Variants in KIF13A observed in about 807,000 individuals in gnomAD.
The protein encoded by KIF13A is kinesin-like protein KIF13A.
KIF13A carries 79 observed loss-of-function variants against 212.2 expected under a neutral mutation model. The observed-to-expected ratio is 0.37, with a 90% CI of 0.31 to 0.45. The LOEUF (loss-of-function observed/expected upper bound fraction) is 0.45. Among genes scored for constraint, KIF13A ranks in the 20% least tolerant of loss-of-function variants. The pLI, the probability that KIF13A is intolerant of heterozygous loss-of-function variation, is 1.00. For synonymous variants in KIF13A, 789 were observed against 808.6 expected, an observed-to-expected ratio of 0.98 and a Z score of 0.41; for missense variants, 1,901 against 2,209.0, an observed-to-expected ratio of 0.86 and a Z score of 2.79.
chr6:17,909,534 CAGAAAAAAAAAAA>C (rs1773838934), intron 2 of KIF13A, among the ~76,000 whole-genome samples: 1 of 116,804 alleles, frequency 8.6e-6, no homozygotes, highest in South Asian at 2.7e-4. Context: ...GACTCTGTCT[CAGAAAAAAAAAAA>C]AGGAAAAAAA....
rs952619732 is a variant in KIF13A at position 17,768,590 on chromosome 6, T to G, written c.4581+2524A>C. Among the ~76,000 whole-genome samples, 5 of 152,206 alleles carry G rather than the reference T, an allele frequency of 3.3e-5. No homozygotes were observed. The highest frequency in any genetic ancestry group is 7.3e-5 in the Non-Finnish European group (5 of 68,042). The stretch of plus-strand genomic sequence containing the variant: ...AGAGCAGCTGCAGGGCATACTGGAA[T>G]TGCACTATATTTGAAAGCACCTGGA... On this transcript the variant is annotated intron_variant, in intron 38 of 38. Transcript: ENST00000259711. The surrounding 1 kb of genome is among the most constrained non-coding windows in gnomAD (Gnocchi z 5.4).
rs1278946201 is a variant in KIF13A, at chr6:17,912,401, T to C, written c.147-14221A>G. 6.6e-6 allele frequency among the ~76,000 whole-genome samples: 1 copy of C among 152,212 alleles called. No individual in the cohort carries two copies. Among genetic ancestry groups the C allele is most frequent in the Non-Finnish European group, 1.5e-5 (1 of 68,042 alleles). On this transcript the variant is annotated intron_variant, in intron 2 of 38. Transcript: ENST00000259711. This position sits in a 1 kb window ranked among gnomAD's most constrained non-coding sequence, Gnocchi z 4.2. Reference sequence around the variant, plus strand: ...TCACCCAAACTGGGAGTGATCTTGATAACAGCATCAGCCTGCCTGACCTTC... The same window carrying C: ...TCACCCAAACTGGGAGTGATCTTGACAACAGCATCAGCCTGCCTGACCTTC...
chr6:17,919,009 C>T lies in KIF13A; in HGVS notation c.147-20829G>A, dbSNP rs1463523261. Among the ~76,000 whole-genome samples the T allele has an allele frequency of 2.6e-5, 4 of 152,150 alleles. No homozygotes were observed. The highest frequency in any genetic ancestry group is 4.4e-5 in the Non-Finnish European group (3 of 68,030). On this transcript the variant is annotated intron_variant, in intron 2 of 38. Transcript: ENST00000259711. The surrounding 1 kb of genome is among the most constrained non-coding windows in gnomAD (Gnocchi z 4.1). Reference sequence around the variant, plus strand: ...CCAGTGCCTACAGGGTTGTCAGGCACGAAATAGTCACTCAGTAAGTATCTC... The same window carrying T: ...CCAGTGCCTACAGGGTTGTCAGGCATGAAATAGTCACTCAGTAAGTATCTC...
At chr6:17,796,350 A>C (rs759245492) in intron 23 of KIF13A, among the ~76,000 whole-genome samples, 18 of 150,110 alleles carry the variant, frequency 1.2e-4, no homozygotes, top group African/African-American at 4.4e-4. Flanking sequence ...AAAAATAAAT[A>C]AATCCTGCCT....
chr6:17,949,120 G>A (rs914771594), intron 2 of KIF13A, among the ~76,000 whole-genome samples: 1 of 152,116 alleles, frequency 6.6e-6, no homozygotes, highest in Non-Finnish European at 1.5e-5. Flanking sequence ...GCTAAAACTC[G>A]CCGACCACTA....
At position 17,816,643 on chromosome 6, in the gene KIF13A, T is replaced by C. The variant is rs528713742; in HGVS notation, c.2000+377A>G. 1.5e-4 allele frequency among the ~76,000 whole-genome samples: 23 copies of C among 152,278 alleles called. No homozygotes were observed. The highest frequency in any genetic ancestry group is 5.1e-4 in the African/African-American group (21 of 41,556). Reference sequence around the variant, plus strand: ...ATAAATCTTAAACTTTCACATTTAGTAGATTAATCAGCACTGAAGTTGTAT... The same window carrying C: ...ATAAATCTTAAACTTTCACATTTAGCAGATTAATCAGCACTGAAGTTGTAT... On this transcript the variant is annotated intron_variant, in intron 17 of 38. Transcript: ENST00000259711. This position sits in a 1 kb window ranked among gnomAD's most constrained non-coding sequence, Gnocchi z 4.3.
At chr6:17,836,520 C>G (rs1011122777) in intron 11 of KIF13A, among the ~76,000 whole-genome samples, 1 of 152,220 alleles carries the variant, frequency 6.6e-6, no homozygotes, top group African/African-American at 2.4e-5. Context: ...CCAATAAACA[C>G]TGAAGTGCTG....
Position 17,781,623 on chromosome 6 carries a change from GTT to G in KIF13A, c.3545-324_3545-323del, listed in dbSNP as rs776138365. Among the ~76,000 whole-genome samples the G allele has an allele frequency of 1.3e-3, 139 of 107,046 alleles. No homozygotes were observed. In the East Asian group the frequency reaches 0.02, roughly 15 times the overall value. 70.2% of individuals were successfully genotyped at this position (107,046 alleles called of 152,430 possible). A position where few individuals can be genotyped will look rare whatever the true frequency, so the allele number is the denominator to read the frequency against. ...TACAGGGGTGAGCCACTGTACTTGG[GTT>G]TTTTTTTTTTTTTTTTTTTTGAGAC... On this transcript the variant is annotated intron_variant, in intron 29 of 38. Transcript: ENST00000259711.
At chr6:17,823,885 G>A (rs1414016384) in intron 16 of KIF13A, among the ~76,000 whole-genome samples, 2 of 148,340 alleles carry the variant, frequency 1.3e-5, no homozygotes, top group African/African-American at 2.5e-5. Context: ...TTACAGATGT[G>A]AGCCACCATG....
In KIF13A at chr6:17,833,955, A is replaced by G; in HGVS notation, c.1266+6T>C. 1 of 1,470,468 alleles carries G rather than the reference A, an allele frequency of 6.8e-7. No homozygotes were observed. The highest frequency in any genetic ancestry group is 9.3e-7 in the Non-Finnish European group (1 of 1,081,034). The allele number at this position is 1,470,468 out of a possible 1,614,324, so 91.1% of individuals were successfully genotyped here. ...CCAATATTTTAGGGCTAAATTATCAAGCTACCTGTGCTATCTCTTCTGTTT... is the reference window on the plus strand; with the variant it reads ...CCAATATTTTAGGGCTAAATTATCAGGCTACCTGTGCTATCTCTTCTGTTT... On this transcript the variant is annotated splice_donor_region_variant and intron_variant, in intron 12 of 38. Coordinates refer to ENST00000259711, the MANE Select transcript of KIF13A (RefSeq NM_022113.6).
At chr6:17,925,370 G>A (rs1775414952) in intron 2 of KIF13A, among the ~76,000 whole-genome samples, 1 of 152,210 alleles carries the variant, frequency 6.6e-6, no homozygotes, top group Non-Finnish European at 1.5e-5. Flanking sequence ...GGGAAGAGCT[G>A]ATTTGGTGGA....
At chr6:17,853,743 A>T (rs1033103970) in intron 6 of KIF13A, among the ~76,000 whole-genome samples, 5 of 152,244 alleles carry the variant, frequency 3.3e-5, no homozygotes, top group Non-Finnish European at 2.9e-5. Flanking sequence ...GATGTCATAC[A>T]AAGTTAAAAA....
chr6:17,773,460 AAAT>A lies in KIF13A; in HGVS notation c.4324+15_4324+17del. ...GTAATTACAAAGAAATATCACTGCAAAATAATCTCACCACTACCTTCTTTATTC... is the reference window on the plus strand; with the variant it reads ...GTAATTACAAAGAAATATCACTGCAAAATCTCACCACTACCTTCTTTATTC... On this transcript the variant is annotated intron_variant, in intron 36 of 38. Coordinates refer to ENST00000259711, the MANE Select transcript of KIF13A (RefSeq NM_022113.6). This position sits in a 1 kb window ranked among gnomAD's most constrained non-coding sequence, Gnocchi z 4.2. 7.0e-7 allele frequency: 1 copy of A among 1,433,002 alleles called. No individual in the cohort carries two copies. The highest frequency in any genetic ancestry group is 9.8e-7 in the Non-Finnish European group (1 of 1,019,348). The allele number at this position is 1,433,002 out of a possible 1,614,324, so 88.8% of individuals were successfully genotyped here.
Position 17,926,084 on chromosome 6 carries a change from C to T in KIF13A, c.147-27904G>A. On this transcript the variant is annotated intron_variant, in intron 2 of 38. Coordinates refer to ENST00000259711, the MANE Select transcript of KIF13A (RefSeq NM_022113.6). This position sits in a 1 kb window ranked among gnomAD's most constrained non-coding sequence, Gnocchi z 4.3. ...TCATCTTATAATGAAGATGTCAGAACCAGACATATAATTAAAGTAGTCATC... is the reference window on the plus strand; with the variant it reads ...TCATCTTATAATGAAGATGTCAGAATCAGACATATAATTAAAGTAGTCATC... 6.6e-6 allele frequency among the ~76,000 whole-genome samples: 1 copy of T among 152,082 alleles called. No individual in the cohort carries two copies. Among genetic ancestry groups the T allele is most frequent in the East Asian group, 1.9e-4 (1 of 5,196 alleles).
Position 17,898,324 on chromosome 6 carries a change from C to T in KIF13A, c.147-144G>A. 1.3e-6 allele frequency: 1 copy of T among 760,704 alleles called. No individual in the cohort carries two copies. Among genetic ancestry groups the T allele is most frequent in the East Asian group, 2.7e-5 (1 of 36,704 alleles). 47.1% of individuals were successfully genotyped at this position (760,704 alleles called of 1,614,324 possible). On this transcript the variant is annotated intron_variant, in intron 2 of 38. Transcript: ENST00000259711. This position sits in a 1 kb window ranked among gnomAD's most constrained non-coding sequence, Gnocchi z 5.2. The stretch of plus-strand genomic sequence containing the variant: ...ACATGATCTGAAAGATATTCTTCTT[C>T]ATGAAGATCAGAAGCCAAATTCAAA...
At chr6:17,948,591 C>G (rs867135399) in intron 2 of KIF13A, among the ~76,000 whole-genome samples, 2 of 100,642 alleles carry the variant, frequency 2.0e-5, no homozygotes, top group African/African-American at 4.0e-5. Context: ...TGAGACAAGT[C>G]TCACTCTGTC....
At chr6:17,969,712 T>C (rs934038050) in intron 2 of KIF13A, among the ~76,000 whole-genome samples, 4 of 152,222 alleles carry the variant, frequency 2.6e-5, no homozygotes, top group Non-Finnish European at 5.9e-5. Context: ...TCTGGTTCTC[T>C]GGCATCCCTT....
chr6:17,786,776 C>G lies in KIF13A; in HGVS notation c.3361+1000G>C, dbSNP rs1433541779. 1.3e-5 allele frequency among the ~76,000 whole-genome samples: 2 copies of G among 152,080 alleles called. No individual in the cohort carries two copies. Among genetic ancestry groups the G allele is most frequent in the East Asian group, 3.9e-4 (2 of 5,188 alleles). On this transcript the variant is annotated intron_variant, in intron 27 of 38. Coordinates refer to ENST00000259711, the MANE Select transcript of KIF13A (RefSeq NM_022113.6). The surrounding 1 kb of genome is among the most constrained non-coding windows in gnomAD (Gnocchi z 5.4). ...AGTCTAAGTGAGTTTTCATTAGCAG[C>G]CTGAGCACACACACAAGGCGACATC...
intron 2 of KIF13A, among the ~76,000 whole-genome samples, chr6:17,959,874 T>C (rs554498863): frequency 1.8e-4 from 28 of 152,176 alleles, no homozygotes; most frequent in Non-Finnish European, 3.7e-4. Context: ...AAATACAAAA[T>C]TAGCCTGGTG....
Sources: allele counts gnomAD v4.1 joint callset (sites outside exome capture counted in the v4.1 genomes callset), GRCh38; gene constraint gnomAD v4.1.1; non-coding constraint Gnocchi (gnomAD v3.1); transcripts MANE v1.5; gene names NCBI Gene and HGNC (gene_info 2026-07-23, HGNC 2026-07-21).